Variants in SH3KBP1 observed in about 807,000 individuals in gnomAD.
The protein encoded by SH3KBP1 is SH3 domain containing kinase binding protein 1.
In SH3KBP1, 8 loss-of-function variants were observed where a neutral mutation model predicts 50.1. The ratio of observed to expected loss-of-function variants is 0.16; its 90% CI spans 0.09 to 0.29. SH3KBP1 has a LOEUF of 0.29. SH3KBP1 is among the 10% of genes least tolerant of loss of function. SH3KBP1 has a pLI of 1.00. For missense variants in SH3KBP1, 377 were observed against 535.2 expected, an observed-to-expected ratio of 0.70 and a Z score of 2.92; for synonymous variants, 227 against 218.6, an observed-to-expected ratio of 1.04 and a Z score of -0.34.
At chrX:19,695,522 C>G in intron 5 of SH3KBP1, 90 bp downstream of exon 5, 1 of 1,087,510 alleles carries the variant, frequency 9.2e-7, no homozygotes, top group Non-Finnish European at 1.2e-6. Flanking sequence ...ACTATAGCCT[C>G]TCGGCATAGG....
intron 6 of SH3KBP1, chrX:19,671,134 C>T: frequency 1.7e-6 from 1 of 574,018 alleles, no homozygotes; most frequent in Non-Finnish European, 2.5e-6. Context: ...CCTCCTGGGG[C>T]CCCCAGGTGT....
At chrX:19,632,941 A>C (rs1415623161) in intron 7 of SH3KBP1, among the ~76,000 whole-genome samples, 1 of 112,077 alleles carries the variant, frequency 8.9e-6, no homozygotes, top group Non-Finnish European at 1.9e-5. Context: ...GATATTTCCC[A>C]AGCATCAGGC....
At chrX:19,856,370 T>C (rs2068642322) in intron 1 of SH3KBP1, among the ~76,000 whole-genome samples, 1 of 111,829 alleles carries the variant, frequency 8.9e-6, no homozygotes, top group Non-Finnish European at 1.9e-5. Flanking sequence ...TATCTTAAAG[T>C]AGATCTCATA....
At chrX:19,771,799 G>T (rs2065797774) in intron 2 of SH3KBP1, among the ~76,000 whole-genome samples, 1 of 106,336 alleles carries the variant, frequency 9.4e-6, no homozygotes, top group South Asian at 4.2e-4. Context: ...AGGAGGCAAA[G>T]GTTGCAGTGA....
intron 8 of SH3KBP1, among the ~76,000 whole-genome samples, chrX:19,620,858 A>G (rs1024717573): frequency 4.5e-5 from 5 of 111,550 alleles, no homozygotes; most frequent in African/African-American, 9.8e-5. Flanking sequence ...CTGAAGTTCA[A>G]TTTGGCAAGT....
intron 15 of SH3KBP1, among the ~76,000 whole-genome samples, chrX:19,542,788 G>C (rs924189938): frequency 1.1e-3 from 121 of 112,106 alleles, no homozygotes; most frequent in African/African-American, 3.9e-3. Flanking sequence ...CAAAGGTCTA[G>C]AGACCGCAGA....
Position 19,566,603 on chromosome X carries a change from C to T in SH3KBP1, c.1384+2500G>A, listed in dbSNP as rs779961548. 2.8e-4 allele frequency among the ~76,000 whole-genome samples: 31 copies of T among 111,523 alleles called. No homozygotes were observed. In the Middle Eastern group the frequency reaches 0.014, roughly 50 times the overall value. On this transcript the variant is annotated intron_variant, in intron 13 of 17. Coordinates refer to ENST00000397821, the MANE Select transcript of SH3KBP1 (RefSeq NM_031892.3). ...AAATACGAAACTGCGGTGGTAGAAC[C>T]GGAACTTAGGCTCATTCTGACAATC...
chrX:19,745,075 A>G (rs1468268238), intron 3 of SH3KBP1, among the ~76,000 whole-genome samples: 1 of 112,152 alleles, frequency 8.9e-6, no homozygotes, highest in Admixed American at 9.4e-5. Context: ...ACTGAACTCT[A>G]CCTCACCAAA....
chrX:19,562,185 C>T, intron 13 of SH3KBP1, among the ~76,000 whole-genome samples: 1 of 111,793 alleles, frequency 8.9e-6, no homozygotes, highest in Non-Finnish European at 1.9e-5. Flanking sequence ...GAACAAAATA[C>T]TTAATAAAAT....
chrX:19,580,552 T>TAGCAGCAGC (rs765167315), intron 12 of SH3KBP1, among the ~76,000 whole-genome samples: 2 of 111,466 alleles, frequency 1.8e-5, no homozygotes, highest in Non-Finnish European at 3.8e-5. Flanking sequence ...CCCTGACCAG[T>TAGCAGCAGC]AGCAGCAGCA....
intron 5 of SH3KBP1, among the ~76,000 whole-genome samples, chrX:19,689,049 T>C (rs12010028): frequency 0.024 from 2,745 of 112,175 alleles, 88 homozygotes; most frequent in African/African-American, 0.084. Flanking sequence ...CCAATTTCCG[T>C]GTCCTACAGC....
At chrX:19,540,245 A>T (rs2064843532) in intron 16 of SH3KBP1, among the ~76,000 whole-genome samples, 1 of 110,663 alleles carries the variant, frequency 9.0e-6, no homozygotes, top group Non-Finnish European at 1.9e-5. Context: ...CTTCTCAAGT[A>T]CCATCTGTCA....
chrX:19,779,328 G>A (rs189846889), intron 2 of SH3KBP1, among the ~76,000 whole-genome samples: 1 of 108,293 alleles, frequency 9.2e-6, no homozygotes, highest in African/African-American at 3.3e-5. Context: ...GGAGGAGAAG[G>A]AGGTGAGAGT....
At chrX:19,668,190 C>A (rs1035994081) in intron 6 of SH3KBP1, among the ~76,000 whole-genome samples, 15 of 111,179 alleles carry the variant, frequency 1.3e-4, no homozygotes, top group African/African-American at 4.6e-4. Context: ...GTGTGTACTG[C>A]ATGCATATTC....
At position 19,632,086 on chromosome X, in the gene SH3KBP1, T is replaced by G. The variant is rs140496599; in HGVS notation, c.803-128A>C. The stretch of plus-strand genomic sequence containing the variant: ...TAACAGGTAGCATATTACTGCTGCA[T>G]GAAGAAAGGGTGACCCTCAGAAAAT... On this transcript the variant is annotated intron_variant, in intron 7 of 17. Transcript: ENST00000397821. 4.1e-3 allele frequency: 1,533 copies of G among 371,097 alleles called. 20 individuals are homozygous for G. The highest frequency in any genetic ancestry group is 0.035 in the African/African-American group (1,336 of 38,179). 30.6% of individuals were successfully genotyped at this position (371,097 alleles called of 1,213,427 possible). A position where few individuals can be genotyped will look rare whatever the true frequency, so the allele number is the denominator to read the frequency against.
At chrX:19,559,263 C>T (rs1489229918) in intron 13 of SH3KBP1, among the ~76,000 whole-genome samples, 1 of 52,520 alleles carries the variant, frequency 1.9e-5, no homozygotes. Flanking sequence ...CAGAGTGAGA[C>T]TCTGTCTCAC....
chrX:19,819,908 A>G (rs907166226), intron 2 of SH3KBP1, among the ~76,000 whole-genome samples: 8 of 111,439 alleles, frequency 7.2e-5, no homozygotes, highest in African/African-American at 2.6e-4. Context: ...AATATGTTGT[A>G]TGTTCATTTT....
chrX:19,541,953 T>C lies in SH3KBP1; in HGVS notation c.1864A>G (p.Ile622Val). The C allele has an allele frequency of 8.3e-7, 1 of 1,210,984 alleles. No individual in the cohort carries two copies. Among genetic ancestry groups the C allele is most frequent in the Non-Finnish European group, 1.1e-6 (1 of 895,083 alleles). ...TGCTGGTCCTTCATGGTCTCGATGA[T>C]GCTCCTCAGCTCGCGGACCTGTGTC... ...LRTQVRELRS[I>V]IETMKDQQKR... is the part of the protein sequence containing the mutation. The change falls in exon 16 of 18, where the codon ATC (isoleucine) becomes GTC (valine). Residue 622 changes from isoleucine to valine, a missense_variant. By Grantham distance (29) the Ile-to-Val change is conservative. This residue lies in a region of SH3KBP1 where 110 missense variants were observed against 124.1 expected (regional missense o/e 0.89). Transcript: ENST00000397821.
intron 16 of SH3KBP1, 140 bp from the exon 17 acceptor site, chrX:19,537,920 G>T: frequency 1.8e-6 from 1 of 542,695 alleles, no homozygotes; most frequent in Non-Finnish European, 3.1e-6. Flanking sequence ...TATTTTCTTT[G>T]CATTGTTACT....
Sources: allele counts gnomAD v4.1 joint callset (sites outside exome capture counted in the v4.1 genomes callset), GRCh38; gene constraint gnomAD v4.1.1; regional missense constraint gnomAD v4.1.1; transcripts MANE v1.5; gene names NCBI Gene and HGNC (gene_info 2026-07-23, HGNC 2026-07-21).